The following USO1 variants were observed in gnomAD, a reference collection of about 807,000 sequenced individuals.
USO1 encodes the protein general vesicular transport factor p115.
A neutral mutation model predicts 124.5 loss-of-function variants in USO1; 57 were observed. The ratio of observed to expected loss-of-function variants is 0.46; its 90% CI spans 0.37 to 0.57. The LOEUF (loss-of-function observed/expected upper bound fraction) is 0.57. USO1 is among the 20% of genes least tolerant of loss of function. The pLI, the probability that USO1 is intolerant of heterozygous loss-of-function variation, is 0.00. For synonymous variants in USO1, 369 were observed against 362.8 expected (o/e 1.02, Z -0.19); for missense variants, 900 against 1,040.6 (o/e 0.86, Z 1.86).
chr4:75,786,819 A>G (rs1474569528), intron 9 of USO1, among the ~76,000 whole-genome samples: 1 of 152,220 alleles, frequency 6.6e-6, no homozygotes, highest in African/African-American at 2.4e-5. Context: ...AAAAATGACC[A>G]AGGCAGTTTC....
chr4:75,738,559 C>T (rs770016890), intron 1 of USO1, among the ~76,000 whole-genome samples: 9 of 152,066 alleles, frequency 5.9e-5, no homozygotes, highest in African/African-American at 1.9e-4. Context: ...GTTACAGTGG[C>T]TTCAACCTCC....
chr4:75,795,401 A>C (rs1390670839), intron 13 of USO1: 1 of 699,954 alleles, frequency 1.4e-6, no homozygotes, highest in Admixed American at 2.0e-5. Context: ...TCTTATAGCA[A>C]AGCTTTTTCT....
chr4:75,807,811 T>A (rs1723037963), intron 20 of USO1, among the ~76,000 whole-genome samples: 1 of 152,126 alleles, frequency 6.6e-6, no homozygotes, highest in South Asian at 2.1e-4. Context: ...TAATTAGATA[T>A]TTTTATAAAA....
intron 4 of USO1, among the ~76,000 whole-genome samples, chr4:75,763,185 TA>T (rs1377139267): frequency 6.6e-6 from 1 of 152,186 alleles, no homozygotes; most frequent in Non-Finnish European, 1.5e-5. Context: ...GAAGAGTAAA[TA>T]TATCTATGCA....
rs1560465167 is a variant in USO1, at chr4:75,812,394, C to T, written c.2799+19C>T. 1.3e-6 allele frequency: 2 copies of T among 1,544,752 alleles called. No homozygotes were observed. The highest frequency in any genetic ancestry group is 4.4e-5 in the Admixed American group (2 of 45,446). On this transcript the variant is annotated intron_variant, in intron 23 of 23. Coordinates refer to ENST00000514213, the MANE Select transcript of USO1 (RefSeq NM_003715.4). The stretch of plus-strand genomic sequence containing the variant: ...TCATCCAGTAAGATTAAAATGTCTC[C>T]AAAAATGATTTGTATTATGTTTTAG...
rs1723171673 is a variant in USO1, at chr4:75,812,262, G to A, written c.2686G>A (p.Glu896Lys). Residue 896 changes from glutamate (E) to lysine (K), a missense_variant, in exon 23 of 24, where the codon GAG becomes AAG. Transcript: ENST00000514213. Reference sequence around the variant, plus strand: ...TTTACAAACTGAGAAAGACAAACTAGAGTTGGAAATTACAGATTCTAAAAA... The same window carrying A: ...TTTACAAACTGAGAAAGACAAACTAAAGTTGGAAATTACAGATTCTAAAAA... ...AILQTEKDKLELEITDSKKEQ... is the reference protein window; with the variant it reads ...AILQTEKDKLKLEITDSKKEQ... 1 of 1,609,124 alleles carries A rather than the reference G, an allele frequency of 6.2e-7. No homozygotes were observed. Among genetic ancestry groups the A allele is most frequent in the Non-Finnish European group, 8.5e-7 (1 of 1,177,732 alleles).
intron 1 of USO1, among the ~76,000 whole-genome samples, chr4:75,726,664 T>G (rs1720472322): frequency 6.6e-6 from 1 of 152,184 alleles, no homozygotes; most frequent in African/African-American, 2.4e-5. Flanking sequence ...AAATCACTTT[T>G]CTGTCTCTCA....
At chr4:75,793,206 T>A (rs1033213537) in intron 12 of USO1, among the ~76,000 whole-genome samples, 1 of 8,180 alleles carries the variant, frequency 1.2e-4, no homozygotes, top group African/African-American at 3.0e-4. Context: ...CTCTCTCTCC[T>A]TTTTTTTTTT....
At chr4:75,725,112 C>T (rs1409507021) in intron 1 of USO1, 1 of 583,068 alleles carries the variant, frequency 1.7e-6, no homozygotes, top group Non-Finnish European at 3.0e-6. Flanking sequence ...CGGCCGCGCC[C>T]CGCAGCTCTG....
chr4:75,761,001 G>A (rs941473651), intron 4 of USO1, among the ~76,000 whole-genome samples: 1 of 152,058 alleles, frequency 6.6e-6, no homozygotes, highest in Non-Finnish European at 1.5e-5. Context: ...ATAAAAATTA[G>A]CCAGGTGTGG....
intron 1 of USO1, among the ~76,000 whole-genome samples, chr4:75,739,206 T>G (rs1306307216): frequency 1.3e-5 from 2 of 152,218 alleles, no homozygotes; most frequent in African/African-American, 4.8e-5. Flanking sequence ...AGAGTTATTC[T>G]ACTTTATCTT....
chr4:75,724,645 G>C lies in USO1; in HGVS notation c.-175G>C, dbSNP rs1174045702. ...CCCGCGCATGCGCATCTTGGCCGCT[G>C]CTGGCGGCTGTTTCCGGGCTTAGAG... On this transcript the variant is annotated 5_prime_UTR_variant, in exon 1 of 24. Transcript: ENST00000514213. 2 of 615,176 alleles carry C rather than the reference G, an allele frequency of 3.3e-6. No homozygotes were observed. Among genetic ancestry groups the C allele is most frequent in the Non-Finnish European group, 2.8e-6 (1 of 352,942 alleles). 38.1% of individuals were successfully genotyped at this position (615,176 alleles called of 1,614,324 possible).
rs976099818 is a variant in USO1 at position 75,724,601 on chromosome 4, C to T, written c.-219C>T. On this transcript the variant is annotated 5_prime_UTR_variant, in exon 1 of 24. Transcript: ENST00000514213. ...CCCCTTTTGCCTTCAACCTTCGAGCCGCCACGTAATGCCACGTCCCCGCGC... is the reference window on the plus strand; with the variant it reads ...CCCCTTTTGCCTTCAACCTTCGAGCTGCCACGTAATGCCACGTCCCCGCGC... The T allele has an allele frequency of 2.1e-5, 12 of 565,542 alleles. No homozygotes were observed. Among genetic ancestry groups the T allele is most frequent in the East Asian group, 9.6e-5 (3 of 31,126 alleles). The allele number at this position is 565,542 out of a possible 1,614,324, so 35.0% of individuals were successfully genotyped here.
chr4:75,748,687 T>C (rs973302566), intron 1 of USO1, among the ~76,000 whole-genome samples: 1 of 152,010 alleles, frequency 6.6e-6, no homozygotes, highest in Non-Finnish European at 1.5e-5. Context: ...TACCTCAAGG[T>C]AGATAAGAAT....
At chr4:75,760,458 T>C (rs1358290388) in intron 4 of USO1, 2 of 371,132 alleles carry the variant, frequency 5.4e-6, no homozygotes, top group African/African-American at 4.2e-5. Flanking sequence ...AAAGTACATA[T>C]GGATCTCTTC....
At chr4:75,746,983 A>G (rs1280215732) in intron 1 of USO1, among the ~76,000 whole-genome samples, 1 of 152,192 alleles carries the variant, frequency 6.6e-6, no homozygotes, top group Non-Finnish European at 1.5e-5. Context: ...TAATAATAAA[A>G]TTTGCTAACA....
intron 20 of USO1, among the ~76,000 whole-genome samples, chr4:75,807,392 A>C (rs1723027653): frequency 6.6e-6 from 1 of 151,354 alleles, no homozygotes; most frequent in Non-Finnish European, 1.5e-5. Flanking sequence ...TAATCCAAGC[A>C]ATACTAAAAA....
chr4:75,785,561 A>G (rs1722335963), intron 9 of USO1, among the ~76,000 whole-genome samples: 1 of 151,914 alleles, frequency 6.6e-6, no homozygotes, highest in Non-Finnish European at 1.5e-5. Context: ...ACTTCTGTAA[A>G]TTTACTTTTG....
chr4:75,794,826 G>A (rs1332922902), intron 13 of USO1, among the ~76,000 whole-genome samples: 2 of 152,116 alleles, frequency 1.3e-5, no homozygotes, highest in Non-Finnish European at 2.9e-5. Flanking sequence ...AGTAACTATA[G>A]TGAAAAGGAA....
Sources: gnomAD v4.1 joint callset for allele counts (sites outside exome capture counted in the v4.1 genomes callset) on GRCh38, gnomAD v4.1.1 for gene constraint, MANE v1.5 for transcripts, NCBI Gene and HGNC (gene_info 2026-07-23, HGNC 2026-07-21) for gene names.